The following ITPR2 variants were observed in gnomAD, a reference collection of about 807,000 sequenced individuals.
ITPR2 encodes inositol 1,4,5-trisphosphate-gated calcium channel ITPR2.
In ITPR2, 207 loss-of-function variants were observed where a neutral mutation model predicts 317.1. The observed-to-expected ratio is 0.65, with a 90% CI of 0.58 to 0.73. ITPR2 has a LOEUF of 0.73. Among genes scored for constraint, ITPR2 ranks in the 30% least tolerant of loss-of-function variants. ITPR2 has a pLI of 0.00. For synonymous variants in ITPR2, 1,156 were observed against 1,149.1 expected, an observed-to-expected ratio of 1.01 and a Z score of -0.12; for missense variants, 2,613 against 3,284.0, an observed-to-expected ratio of 0.80 and a Z score of 4.99.
rs1491397838 is a variant in ITPR2 at position 26,746,821 on chromosome 12, CAT to C, written c.164-21058_164-21057del. On this transcript the variant is annotated intron_variant, in intron 2 of 56. Transcript: ENST00000381340. Reference sequence around the variant, plus strand: ...AGTGTTCTCTTATCAGGGGTGCATGCATGTGTGTGTGTGTGTGTGTGTGTGTG... The same window carrying C: ...AGTGTTCTCTTATCAGGGGTGCATGCGTGTGTGTGTGTGTGTGTGTGTGTG... 1.1e-4 allele frequency among the ~76,000 whole-genome samples: 11 copies of C among 99,932 alleles called. No homozygotes were observed. The East Asian group carries it at 5.8e-3, about 53-fold the overall frequency. The allele number at this position is 99,932 out of a possible 152,430, so 65.6% of individuals were successfully genotyped here. A position where few individuals can be genotyped will look rare whatever the true frequency, so the allele number is the denominator to read the frequency against.
At chr12:26,824,285 T>C (rs1197579602) in intron 1 of ITPR2, among the ~76,000 whole-genome samples, 1 of 152,202 alleles carries the variant, frequency 6.6e-6, no homozygotes, top group Non-Finnish European at 1.5e-5. Context: ...ACTGAATGAG[T>C]ATTACTTTTG....
intron 54 of ITPR2, among the ~76,000 whole-genome samples, chr12:26,398,062 GTGTGT>G (rs1940057385): frequency 1.0e-5 from 1 of 96,862 alleles, no homozygotes; most frequent in South Asian, 4.6e-4. Flanking sequence ...GGAGTGGTGT[GTGTGT>G]GTGTGTGTGT....
chr12:26,499,466 T>C (rs1943024095), intron 37 of ITPR2, among the ~76,000 whole-genome samples: 1 of 152,216 alleles, frequency 6.6e-6, no homozygotes, highest in Admixed American at 6.5e-5. Context: ...AGTTACTTCA[T>C]CACTCTGGGC....
intron 22 of ITPR2, among the ~76,000 whole-genome samples, chr12:26,631,482 A>C (rs1355095072): frequency 6.6e-6 from 1 of 152,230 alleles, no homozygotes; most frequent in African/African-American, 2.4e-5. Flanking sequence ...TCACATGTTC[A>C]ATTCAATTAA....
At chr12:26,563,728 C>G in intron 34 of ITPR2, among the ~76,000 whole-genome samples, 1 of 152,200 alleles carries the variant, frequency 6.6e-6, no homozygotes, top group Non-Finnish European at 1.5e-5. Flanking sequence ...CACACAAACA[C>G]AAACACAGCC....
intron 55 of ITPR2, among the ~76,000 whole-genome samples, chr12:26,381,770 G>T (rs1177956017): frequency 2.0e-5 from 3 of 152,198 alleles, no homozygotes; most frequent in African/African-American, 7.2e-5. Context: ...GACATGGGGA[G>T]GGTGGCCATC....
At chr12:26,745,521 T>C (rs1001004837) in intron 2 of ITPR2, among the ~76,000 whole-genome samples, 9 of 152,234 alleles carry the variant, frequency 5.9e-5, no homozygotes, top group Admixed American at 1.3e-4. Flanking sequence ...CTGACTTTCA[T>C]TGTTTGAAGA....
intron 2 of ITPR2, among the ~76,000 whole-genome samples, chr12:26,736,398 T>C (rs1367837408): frequency 2.0e-5 from 3 of 152,198 alleles, no homozygotes; most frequent in Non-Finnish European, 4.4e-5. Context: ...TAGATTTTTT[T>C]TAAATCCAAA....
At chr12:26,359,387 C>A (rs1171600679) in intron 55 of ITPR2, among the ~76,000 whole-genome samples, 3 of 152,118 alleles carry the variant, frequency 2.0e-5, no homozygotes, top group African/African-American at 7.2e-5. Flanking sequence ...ATACAGGGAA[C>A]CAAGAAAGCA....
chr12:26,812,842 A>G (rs1275984960), intron 1 of ITPR2, among the ~76,000 whole-genome samples: 1 of 152,258 alleles, frequency 6.6e-6, no homozygotes, highest in Non-Finnish European at 1.5e-5. Context: ...TCTCTCTGCA[A>G]ACAACACTGC....
chr12:26,676,898 A>C (rs1166784527), intron 13 of ITPR2, among the ~76,000 whole-genome samples: 2 of 152,220 alleles, frequency 1.3e-5, no homozygotes, highest in Non-Finnish European at 2.9e-5. Flanking sequence ...ATCAAATTAA[A>C]ATTTTACAAA....
chr12:26,614,620 A>C lies in ITPR2; in HGVS notation c.3462+6503T>G, dbSNP rs116222384. On this transcript the variant is annotated intron_variant, in intron 26 of 56. Coordinates refer to ENST00000381340, the MANE Select transcript of ITPR2 (RefSeq NM_002223.4). ...ACAATACAAGGGACTATTATTCAGC[A>C]ATAACAAAAAATGAGGCATTAAACT... 8.9e-3 allele frequency among the ~76,000 whole-genome samples: 1,362 copies of C among 152,358 alleles called. 17 individuals carry two copies. The highest frequency in any genetic ancestry group is 0.031 in the African/African-American group (1,278 of 41,582).
chr12:26,361,220 A>AG (rs1938818300), intron 55 of ITPR2, among the ~76,000 whole-genome samples: 1 of 151,604 alleles, frequency 6.6e-6, no homozygotes, highest in African/African-American at 2.4e-5. Flanking sequence ...CAAAAAAAAA[A>AG]AAAATGTTAC....
At chr12:26,660,146 T>C (rs1368256978) in intron 15 of ITPR2, among the ~76,000 whole-genome samples, 33 of 152,182 alleles carry the variant, frequency 2.2e-4, no homozygotes, top group Non-Finnish European at 2.9e-5. Flanking sequence ...AAGCTTATGT[T>C]CTATCAACAG....
intron 2 of ITPR2, among the ~76,000 whole-genome samples, chr12:26,785,171 T>TGG (rs777528638): frequency 0.033 from 729 of 22,094 alleles, 30 homozygotes; most frequent in African/African-American, 0.079. Context: ...GGGAGGGAGG[T>TGG]GGGGGGGGGT....
chr12:26,658,940 C>A (rs1030092485), intron 16 of ITPR2, among the ~76,000 whole-genome samples, 173 bp downstream of exon 16: 1 of 152,106 alleles, frequency 6.6e-6, no homozygotes, highest in Non-Finnish European at 1.5e-5. Context: ...GGGCTCTGAT[C>A]TCTTATGAGG....
At chr12:26,340,375 G>A in intron 55 of ITPR2, 47 bp from the exon 56 acceptor site, 1 of 1,525,418 alleles carries the variant, frequency 6.6e-7, no homozygotes, top group Middle Eastern at 1.7e-4. Context: ...GTATGGAAGG[G>A]GAGAATGTCT....
intron 9 of ITPR2, among the ~76,000 whole-genome samples, chr12:26,698,449 G>T (rs895748206): frequency 1.3e-5 from 2 of 152,198 alleles, no homozygotes; most frequent in East Asian, 1.9e-4. Context: ...GTGGATGAAG[G>T]CACACACAAA....
At chr12:26,817,302 A>G (rs1328865187) in intron 1 of ITPR2, among the ~76,000 whole-genome samples, 1 of 152,160 alleles carries the variant, frequency 6.6e-6, no homozygotes, top group Non-Finnish European at 1.5e-5. Context: ...TGCTGGGTGT[A>G]ATGACATGTT....
Sources: allele counts gnomAD v4.1 joint callset (sites outside exome capture counted in the v4.1 genomes callset), GRCh38; gene constraint gnomAD v4.1.1; transcripts MANE v1.5; gene names NCBI Gene and HGNC (gene_info 2026-07-23, HGNC 2026-07-21).